CDYL: variants seen among roughly 807,000 people sequenced by gnomAD.
CDYL encodes chromodomain Y like, also known as chromodomain Y-like protein.
Under a neutral mutation model 47.3 loss-of-function variants are expected in CDYL, and 8 were observed. The ratio of observed to expected loss-of-function variants is 0.17; its 90% confidence interval spans 0.10 to 0.31. CDYL has a LOEUF of 0.31. Ranked by LOEUF, CDYL falls within the 10% of genes least tolerant of loss-of-function variation. CDYL has a pLI of 1.00. For missense variants in CDYL, 471 were observed against 701.4 expected, an observed-to-expected ratio of 0.67 and a Z score of 3.71; for synonymous variants, 266 against 265.0, an observed-to-expected ratio of 1.00 and a Z score of -0.04.
chr6:4,766,359 G>C (rs1758251582), intron 3 of CDYL, among the ~76,000 whole-genome samples: 2 of 152,044 alleles, frequency 1.3e-5, no homozygotes, highest in South Asian at 4.2e-4. Context: ...ACAGGCATGT[G>C]CCACCATGCC....
chr6:4,924,034 C>T (rs1757797227), intron 2 of CDYL, among the ~76,000 whole-genome samples: 1 of 152,094 alleles, frequency 6.6e-6, no homozygotes, highest in South Asian at 2.1e-4. Flanking sequence ...TTGCACTTGC[C>T]ACATCTAATA....
intron 3 of CDYL, among the ~76,000 whole-genome samples, chr6:4,754,678 A>G (rs1441973148): frequency 3.3e-5 from 5 of 152,254 alleles, no homozygotes; most frequent in Non-Finnish European, 7.3e-5. Flanking sequence ...TTTATAATCT[A>G]GCACTGCTCT....
chr6:4,855,613 C>T (rs568152646), intron 1 of CDYL, among the ~76,000 whole-genome samples: 1 of 152,200 alleles, frequency 6.6e-6, no homozygotes, highest in South Asian at 2.1e-4. Flanking sequence ...ATCACAAATT[C>T]ATCTGAAAGT....
intron 1 of CDYL, among the ~76,000 whole-genome samples, chr6:4,831,591 A>G (rs1760146129): frequency 6.6e-6 from 1 of 152,054 alleles, no homozygotes; most frequent in South Asian, 2.1e-4. Flanking sequence ...TGAACTTTAA[A>G]GTAGTTTTTT....
At chr6:4,926,313 A>G (rs1019946831) in intron 2 of CDYL, among the ~76,000 whole-genome samples, 1 of 151,784 alleles carries the variant, frequency 6.6e-6, no homozygotes, top group Admixed American at 6.5e-5. Context: ...TACGTTCAAT[A>G]TATGTAAATA....
At chr6:4,712,204 A>G (rs1757164170) in intron 1 of CDYL, among the ~76,000 whole-genome samples, 1 of 152,234 alleles carries the variant, frequency 6.6e-6, no homozygotes, top group South Asian at 2.1e-4. Flanking sequence ...TTGAGTAGAC[A>G]GGCTGACAGG....
chr6:4,734,190 C>A (rs773296699), intron 2 of CDYL, among the ~76,000 whole-genome samples: 1 of 152,130 alleles, frequency 6.6e-6, no homozygotes, highest in Non-Finnish European at 1.5e-5. Flanking sequence ...GGGGAAAGGA[C>A]TAGGGGAAAG....
rs977577728 is a variant in CDYL, at chr6:4,736,742, T to C, written c.186+1898T>C. Among the ~76,000 whole-genome samples the C allele has an allele frequency of 4.6e-5, 7 of 151,736 alleles. No individual in the cohort carries two copies. In the South Asian group the frequency reaches 1.0e-3, roughly 23 times the overall value. On this transcript the variant is annotated intron_variant, in intron 3 of 8. Coordinates refer to the CDYL transcript ENST00000328908. ...ACCCATAGACTTAGCAGGAGGAGCA[T>C]AGACATTAAGAGTAAGTGCACATGA...
intron 1 of CDYL, among the ~76,000 whole-genome samples, chr6:4,794,885 C>T (rs1759027360): frequency 6.6e-6 from 1 of 152,040 alleles, no homozygotes; most frequent in Non-Finnish European, 1.5e-5. Flanking sequence ...ACTTGTTAAA[C>T]TGTCTTTGTA....
chr6:4,710,917 CCACACACACA>C (rs67002698), intron 1 of CDYL, among the ~76,000 whole-genome samples: 5 of 149,502 alleles, frequency 3.3e-5, no homozygotes, highest in African/African-American at 7.4e-5. Flanking sequence ...GGTGTTCTCA[CCACACACACA>C]CACACACACA....
At chr6:4,720,163 T>A (rs1757341862) in intron 2 of CDYL, among the ~76,000 whole-genome samples, 1 of 152,182 alleles carries the variant, frequency 6.6e-6, no homozygotes, top group Non-Finnish European at 1.5e-5. Flanking sequence ...CACATTTCTC[T>A]GAAGGAAAAA....
intron 3 of CDYL, chr6:4,734,982 G>A: frequency 7.1e-7 from 1 of 1,408,668 alleles, no homozygotes; most frequent in Non-Finnish European, 9.4e-7. Flanking sequence ...GTGAAGCTGT[G>A]GACTCCTTAG....
At chr6:4,888,355 TC>T (rs370061025) in intron 1 of CDYL, among the ~76,000 whole-genome samples, 1 of 152,306 alleles carries the variant, frequency 6.6e-6, no homozygotes, top group Non-Finnish European at 1.5e-5. Flanking sequence ...GTTTAGATTT[TC>T]TTGGTTCATT....
chr6:4,810,311 GA>G lies in CDYL; in HGVS notation c.24+33507del, dbSNP rs200383436. Among the ~76,000 whole-genome samples, 11 of 152,292 alleles carry G rather than the reference GA, an allele frequency of 7.2e-5. No individual in the cohort carries two copies. The East Asian group carries it at 9.7e-4, about 13-fold the overall frequency. On this transcript the variant is annotated intron_variant, in intron 1 of 6. Coordinates refer to ENST00000397588, the MANE Select transcript of CDYL (RefSeq NM_004824.4). ...GATTTCTCAACTAGCATGAGTTAAAGAAAGAGATTATGTTCTGCCTTCTCAG... is the reference window on the plus strand; with the variant it reads ...GATTTCTCAACTAGCATGAGTTAAAGAAGAGATTATGTTCTGCCTTCTCAG...
chr6:4,800,636 T>G (rs887672378), intron 1 of CDYL, among the ~76,000 whole-genome samples: 1 of 152,174 alleles, frequency 6.6e-6, no homozygotes, highest in Non-Finnish European at 1.5e-5. Context: ...ACAAATAGTT[T>G]ATTTGAAAAT....
intron 1 of CDYL, among the ~76,000 whole-genome samples, chr6:4,882,215 T>G (rs1188803350): frequency 1.3e-5 from 2 of 152,204 alleles, no homozygotes; most frequent in Non-Finnish European, 2.9e-5. Flanking sequence ...AGCTCACTTG[T>G]TAGCTTCTGT....
chr6:4,954,061 C>A lies in CDYL; in HGVS notation c.*5C>A. 6.2e-7 allele frequency: 1 copy of A among 1,611,478 alleles called. No individual in the cohort carries two copies. Among genetic ancestry groups the A allele is most frequent in the South Asian group, 1.1e-5 (1 of 90,616 alleles). On this transcript the variant is annotated 3_prime_UTR_variant, in exon 7 of 7. Coordinates refer to ENST00000397588, the MANE Select transcript of CDYL (RefSeq NM_004824.4). ...AGGAAGATCGATGAGTTCTGAGTGTCGGGCTGCCCACTGGTGACACCGGGA... is the reference window on the plus strand; with the variant it reads ...AGGAAGATCGATGAGTTCTGAGTGTAGGGCTGCCCACTGGTGACACCGGGA...
At chr6:4,811,866 T>C (rs540607260) in intron 1 of CDYL, among the ~76,000 whole-genome samples, 1 of 152,312 alleles carries the variant, frequency 6.6e-6, no homozygotes, top group East Asian at 1.9e-4. Flanking sequence ...AAGACTCCTG[T>C]TGGCCATCTC....
At chr6:4,845,373 G>A (rs1760626692) in intron 1 of CDYL, among the ~76,000 whole-genome samples, 1 of 152,232 alleles carries the variant, frequency 6.6e-6, no homozygotes, top group South Asian at 2.1e-4. Context: ...AAGGCTAAAT[G>A]AGTTGAGTGC....
Sources: allele counts gnomAD v4.1 joint callset (sites outside exome capture counted in the v4.1 genomes callset), GRCh38; gene constraint gnomAD v4.1.1; transcripts MANE v1.5; gene names NCBI Gene and HGNC (gene_info 2026-07-23, HGNC 2026-07-21).